The following SORCS3 variants were observed in gnomAD, a reference collection of about 807,000 sequenced individuals.
SORCS3 encodes the protein sortilin related VPS10 domain containing receptor 3.
Under a neutral mutation model 146.3 loss-of-function variants are expected in SORCS3, and 57 were observed. That is an observed-to-expected ratio of 0.39 (90% CI 0.31 to 0.49). The LOEUF is 0.49. SORCS3 is among the 20% of genes least tolerant of loss of function. The pLI is 0.92. For missense variants in SORCS3, 1,341 were observed against 1,575.5 expected (o/e 0.85, Z 2.52); for synonymous variants, 653 against 618.5 (o/e 1.06, Z -0.83).
intron 4 of SORCS3, among the ~76,000 whole-genome samples, chr10:105,027,910 A>G (rs1785350573): frequency 1.3e-5 from 2 of 152,230 alleles, no homozygotes; most frequent in East Asian, 3.9e-4. Flanking sequence ...TTAATGAATC[A>G]CTATATGTAT....
intron 1 of SORCS3, among the ~76,000 whole-genome samples, chr10:104,667,010 A>G (rs950053416): frequency 6.6e-6 from 1 of 151,972 alleles, no homozygotes. Context: ...AGAGAGAGAG[A>G]GGAGAGAGAA....
chr10:105,170,564 A>C (rs998590658), intron 13 of SORCS3, among the ~76,000 whole-genome samples: 1 of 152,236 alleles, frequency 6.6e-6, no homozygotes, highest in Non-Finnish European at 1.5e-5. Flanking sequence ...TCCCATTTAT[A>C]GGATGTTGAT....
At chr10:105,203,154 C>T (rs1332218442) in intron 16 of SORCS3, among the ~76,000 whole-genome samples, 1 of 152,190 alleles carries the variant, frequency 6.6e-6, no homozygotes, top group Non-Finnish European at 1.5e-5. Flanking sequence ...CTGCTCTCCA[C>T]CTGTTCTTTA....
chr10:105,157,383 G>A (rs1174721083), intron 10 of SORCS3, 99 bp downstream of exon 10: 11 of 1,430,982 alleles, frequency 7.7e-6, no homozygotes, highest in African/African-American at 4.2e-5. Flanking sequence ...TAGGAACTCA[G>A]GTGGTGCAGA....
chr10:105,156,340 A>G (rs983385469), intron 9 of SORCS3, among the ~76,000 whole-genome samples: 2 of 152,228 alleles, frequency 1.3e-5, no homozygotes, highest in Admixed American at 1.3e-4. Flanking sequence ...CATATAGAAT[A>G]TAAGGAATAA....
At chr10:104,855,396 A>T (rs972991557) in intron 2 of SORCS3, among the ~76,000 whole-genome samples, 2 of 152,158 alleles carry the variant, frequency 1.3e-5, no homozygotes, top group African/African-American at 4.8e-5. Context: ...TGTTAAACCT[A>T]TAAGTGAATT....
intron 1 of SORCS3, among the ~76,000 whole-genome samples, chr10:104,829,898 AT>A (rs1213923656): frequency 6.6e-6 from 1 of 151,814 alleles, no homozygotes; most frequent in Admixed American, 6.6e-5. Context: ...TTTGATTTTA[AT>A]TTTATTTTAA....
intron 3 of SORCS3, among the ~76,000 whole-genome samples, chr10:104,931,103 A>G (rs2019201763): frequency 6.6e-6 from 1 of 152,174 alleles, no homozygotes; most frequent in African/African-American, 2.4e-5. Context: ...AGAAATGTGG[A>G]GCTGGCAAGT....
chr10:105,201,547 AGTT>A (rs1381994861), intron 16 of SORCS3, among the ~76,000 whole-genome samples: 1 of 152,178 alleles, frequency 6.6e-6, no homozygotes, highest in East Asian at 1.9e-4. Context: ...CTACTGGAGA[AGTT>A]GTGCTGGGCA....
chr10:104,698,806 G>A (rs772057225), intron 1 of SORCS3, among the ~76,000 whole-genome samples: 1 of 152,126 alleles, frequency 6.6e-6, no homozygotes, highest in African/African-American at 2.4e-5. Flanking sequence ...GTAATCAGTT[G>A]TCCATCATGA....
intron 14 of SORCS3, among the ~76,000 whole-genome samples, chr10:105,188,437 G>T (rs2056492681): frequency 6.6e-6 from 1 of 152,112 alleles, no homozygotes. Flanking sequence ...TTGAGGTTGT[G>T]ATCTGGAGGA....
At chr10:105,219,439 C>T (rs2056685799) in intron 19 of SORCS3, among the ~76,000 whole-genome samples, 1 of 152,174 alleles carries the variant, frequency 6.6e-6, no homozygotes, top group Admixed American at 6.5e-5. Context: ...TATACCAAAA[C>T]TCCAGATTCC....
chr10:105,242,634 A>G (rs2056837784), intron 20 of SORCS3, among the ~76,000 whole-genome samples: 1 of 103,848 alleles, frequency 9.6e-6, no homozygotes, highest in African/African-American at 4.0e-5. Context: ...ATATTTATAT[A>G]CATTTATATA....
In SORCS3 at chr10:105,201,128, T is replaced by C; in HGVS notation, c.2136T>C (p.Pro712=). 6.2e-7 allele frequency: 1 copy of C among 1,612,738 alleles called. No homozygotes were observed. The highest frequency in any genetic ancestry group is 8.5e-7 in the Non-Finnish European group (1 of 1,179,352). Residue 712 remains proline (P), a synonymous_variant, in exon 16 of 27, where the codon CCT becomes CCC. Coordinates refer to ENST00000369701, the MANE Select transcript of SORCS3 (RefSeq NM_014978.3). ...QTWHLLNQGE[P]CVMGERKIFK... ...TGGAATTTCTCTCTAAGGGAGAGCC[T>C]TGTGTCATGGGAGAAAGGAAAATAT...
chr10:105,233,933 G>T (rs1429059482), intron 20 of SORCS3, among the ~76,000 whole-genome samples: 1 of 152,122 alleles, frequency 6.6e-6, no homozygotes, highest in Non-Finnish European at 1.5e-5. Context: ...CCAGTAATGG[G>T]ATTGCTGGGT....
intron 3 of SORCS3, among the ~76,000 whole-genome samples, chr10:104,922,481 A>G (rs2019097154): frequency 6.6e-6 from 1 of 152,184 alleles, no homozygotes; most frequent in African/African-American, 2.4e-5. Context: ...CCAGAAGATA[A>G]TGGCAAGGAA....
At chr10:105,208,618 T>G (rs1031922214) in intron 16 of SORCS3, among the ~76,000 whole-genome samples, 35 of 149,418 alleles carry the variant, frequency 2.3e-4, no homozygotes, top group Non-Finnish European at 4.3e-4. Flanking sequence ...GACAATAGAA[T>G]GATAGAATAT....
chr10:104,775,178 G>T (rs2017294747), intron 1 of SORCS3, among the ~76,000 whole-genome samples: 1 of 152,154 alleles, frequency 6.6e-6, no homozygotes, highest in Non-Finnish European at 1.5e-5. Flanking sequence ...TCTGAGATTT[G>T]CTGTTAGTTA....
chr10:104,740,171 A>T (rs754040130), intron 1 of SORCS3, among the ~76,000 whole-genome samples: 1 of 152,232 alleles, frequency 6.6e-6, no homozygotes, highest in Non-Finnish European at 1.5e-5. Context: ...TATTACATAA[A>T]ACTGAAACAG....
Sources: gnomAD v4.1 joint callset for allele counts (sites outside exome capture counted in the v4.1 genomes callset) on GRCh38, gnomAD v4.1.1 for gene constraint, MANE v1.5 for transcripts, NCBI Gene and HGNC (gene_info 2026-07-23, HGNC 2026-07-21) for gene names.